TAF4B: variants seen among roughly 807,000 people sequenced by gnomAD.
TAF4B encodes the protein transcription initiation factor TFIID subunit 4B.
A neutral mutation model predicts 86.4 loss-of-function variants in TAF4B; 38 were observed. The observed-to-expected ratio is 0.44, with a 90% CI of 0.34 to 0.58. The LOEUF (loss-of-function observed/expected upper bound fraction) is 0.58, where lower values mean the gene tolerates loss of function less well. Ranked by LOEUF, TAF4B falls within the 20% of genes least tolerant of loss-of-function variation. The pLI, the probability that TAF4B is intolerant of heterozygous loss-of-function variation, is 0.02. For synonymous variants in TAF4B, 388 were observed against 391.2 expected, an observed-to-expected ratio of 0.99 and a Z score of 0.10; for missense variants, 988 against 1,027.6, an observed-to-expected ratio of 0.96 and a Z score of 0.53.
At position 26,278,170 on chromosome 18, in the gene TAF4B, A is replaced by G. The variant is rs2056404833; in HGVS notation, c.882+3117A>G. 2.0e-5 allele frequency among the ~76,000 whole-genome samples: 3 copies of G among 152,224 alleles called. No individual in the cohort carries two copies. The South Asian group carries it at 6.2e-4, about 31-fold the overall frequency. ...GATCCTCTGACTTTGATCTGCAACAAAAATGCTCCATGTATGTTTCCTATT... is the reference window on the plus strand; with the variant it reads ...GATCCTCTGACTTTGATCTGCAACAGAAATGCTCCATGTATGTTTCCTATT... On this transcript the variant is annotated intron_variant, in intron 5 of 14. Transcript: ENST00000269142.
chr18:26,280,189 T>C (rs1310795068), intron 5 of TAF4B, among the ~76,000 whole-genome samples: 1 of 152,190 alleles, frequency 6.6e-6, no homozygotes, highest in Non-Finnish European at 1.5e-5. Context: ...GATTTAAATG[T>C]AAGACCTCAA....
intron 14 of TAF4B, among the ~76,000 whole-genome samples, chr18:26,364,283 G>T (rs570573981): frequency 2.0e-5 from 3 of 152,122 alleles, no homozygotes; most frequent in South Asian, 2.1e-4. Flanking sequence ...CTAGTGGGTC[G>T]CAGGAGGGTG....
chr18:26,385,685 T>TTG lies in TAF4B; in HGVS notation c.2422-4159_2422-4158insGT, dbSNP rs202231722. 5.7e-3 allele frequency among the ~76,000 whole-genome samples: 820 copies of TTG among 143,410 alleles called. 27 individuals are homozygous for TTG. Among genetic ancestry groups the TTG allele is most frequent in the Admixed American group, 0.05 (713 of 14,278 alleles). 94.1% of individuals were successfully genotyped at this position (143,410 alleles called of 152,430 possible). On this transcript the variant is annotated intron_variant, in intron 14 of 14. Coordinates refer to ENST00000269142, the MANE Select transcript of TAF4B (RefSeq NM_005640.3). ...AGTGAGAAGAATAAACAGCGTTTTT[T>TTG]TTTTTTTTTCTTCTTCTTCTTCTTC... is the stretch of plus-strand genomic sequence containing the variant.
intron 9 of TAF4B, among the ~76,000 whole-genome samples, chr18:26,299,861 G>A (rs1442329888): frequency 3.3e-5 from 5 of 152,124 alleles, no homozygotes; most frequent in Non-Finnish European, 5.9e-5. Context: ...TTTAATGGTA[G>A]TATAGTATAT....
intron 1 of TAF4B, among the ~76,000 whole-genome samples, chr18:26,241,929 A>G (rs1441079075): frequency 6.6e-6 from 1 of 152,140 alleles, no homozygotes; most frequent in Non-Finnish European, 1.5e-5. Flanking sequence ...TTCTAGTTTG[A>G]TTGCCCTGTG....
intron 12 of TAF4B, among the ~76,000 whole-genome samples, chr18:26,332,388 G>A (rs1412964480): frequency 1.3e-5 from 2 of 152,086 alleles, no homozygotes; most frequent in East Asian, 1.9e-4. Flanking sequence ...ATTGCTCTGC[G>A]TGCCTTTCCG....
chr18:26,346,837 G>A (rs1210556530), intron 13 of TAF4B, among the ~76,000 whole-genome samples: 281 of 6,680 alleles, frequency 0.042, 36 homozygotes, highest in African/African-American at 0.073. Context: ...ATATATATAT[G>A]TGTGTGTGTA....
chr18:26,389,971 A>G lies in TAF4B; in HGVS notation c.2548A>G (p.Met850Val), dbSNP rs1464350345. Residue 850 changes from methionine to valine, a missense_variant, in exon 15 of 15, where the codon ATG (methionine) becomes GTG (valine). Around this residue, in one of 3 missense-constraint regions of TAF4B, gnomAD observed 216 missense variants for 238.4 expected, o/e 0.91. Coordinates refer to ENST00000269142, the MANE Select transcript of TAF4B (RefSeq NM_005640.3). ...LIFCMEQEREMKYSRALYLAL... is the reference protein window; with the variant it reads ...LIFCMEQEREVKYSRALYLAL... ...ATTTTGTATGGAACAGGAACGGGAG[A>G]TGAAGTATTCTCGAGCTCTATACCT... 1 of 1,614,146 alleles carries G rather than the reference A, an allele frequency of 6.2e-7. No individual in the cohort carries two copies. Among genetic ancestry groups the G allele is most frequent in the Admixed American group, 1.7e-5 (1 of 60,026 alleles).
chr18:26,279,869 C>G (rs1264829789), intron 5 of TAF4B, among the ~76,000 whole-genome samples: 1 of 152,056 alleles, frequency 6.6e-6, no homozygotes, highest in African/African-American at 2.4e-5. Context: ...TGGCGAAACC[C>G]CATCTCTACT....
intron 7 of TAF4B, among the ~76,000 whole-genome samples, chr18:26,287,244 TC>T (rs2056535424): frequency 6.6e-6 from 1 of 152,180 alleles, no homozygotes; most frequent in Non-Finnish European, 1.5e-5. Flanking sequence ...CCTCAACTGT[TC>T]CTCTCGACTT....
chr18:26,351,871 T>C (rs2057248607), intron 13 of TAF4B, among the ~76,000 whole-genome samples: 1 of 152,130 alleles, frequency 6.6e-6, no homozygotes, highest in Non-Finnish European at 1.5e-5. Context: ...ATGTGTAATA[T>C]ATAAGACAAC....
Position 26,357,828 on chromosome 18 carries a change from T to C in TAF4B, c.2421+34T>C, listed in dbSNP as rs753416878. On this transcript the variant is annotated intron_variant, in intron 14 of 14. Coordinates refer to ENST00000269142, the MANE Select transcript of TAF4B (RefSeq NM_005640.3). ...ATAATATTCATTATTTTATTTTTAA[T>C]GTCAAGAAAGCAAGCCAAAAAGAAG... is the stretch of plus-strand genomic sequence containing the variant. 3.3e-6 allele frequency: 5 copies of C among 1,521,682 alleles called. No individual in the cohort carries two copies. The East Asian group carries it at 9.3e-5, about 28-fold the overall frequency. 94.3% of individuals were successfully genotyped at this position (1,521,682 alleles called of 1,614,324 possible).
intron 1 of TAF4B, among the ~76,000 whole-genome samples, chr18:26,248,925 G>A (rs1199601587): frequency 3.3e-5 from 5 of 151,616 alleles, no homozygotes; most frequent in Admixed American, 2.6e-4. Context: ...TGTAATCCCA[G>A]CACTTTGGGA....
Position 26,255,855 on chromosome 18 carries a change from C to G in TAF4B, c.344-9315C>G, listed in dbSNP as rs1411364684. ...GATGATCCCACAACATGTCTTCTGT[C>G]TTTTCTAGTATGTGAGATCTAAAAA... is the stretch of plus-strand genomic sequence containing the variant. On this transcript the variant is annotated intron_variant, in intron 1 of 14. Transcript: ENST00000269142. The G allele has an allele frequency of 4.5e-6, 6 of 1,337,026 alleles. No individual in the cohort carries two copies. In the African/African-American group the frequency reaches 8.7e-5, roughly 19 times the overall value. The allele number at this position is 1,337,026 out of a possible 1,614,324, so 82.8% of individuals were successfully genotyped here.
In TAF4B at chr18:26,227,129, G is replaced by T. The variant is rs1382582442; in HGVS notation, c.196G>T (p.Val66Leu). 7 of 1,613,606 alleles carry T rather than the reference G, an allele frequency of 4.3e-6. No homozygotes were observed. The highest frequency in any genetic ancestry group is 1.7e-5 in the Admixed American group (1 of 59,992). ...PTASQPLRSP[V>L]GTLVTKVAPV... ...GGCGTCCCAGCCCCTGCGGTCCCCC[G>T]TGGGGACCCTGGTGACCAAAGTGGC... Residue 66 changes from valine to leucine, a missense_variant, in exon 1 of 15, where the codon GTG becomes TTG. Physicochemically the swap from Val to Leu is conservative, Grantham distance 32 (BLOSUM62 1). Transcript: ENST00000269142.
At chr18:26,369,108 C>G (rs1283529201) in intron 14 of TAF4B, among the ~76,000 whole-genome samples, 2 of 151,840 alleles carry the variant, frequency 1.3e-5, no homozygotes, top group East Asian at 3.9e-4. Flanking sequence ...AGGTGCATTA[C>G]TTTTAAATAA....
chr18:26,334,815 T>G (rs1019815582), intron 12 of TAF4B, among the ~76,000 whole-genome samples: 1 of 152,256 alleles, frequency 6.6e-6, no homozygotes, highest in Non-Finnish European at 1.5e-5. Context: ...CAGTATTGAT[T>G]GTTTTTATTC....
intron 6 of TAF4B, among the ~76,000 whole-genome samples, chr18:26,284,357 T>C (rs2144589982): frequency 6.6e-6 from 1 of 152,340 alleles, no homozygotes; most frequent in Admixed American, 6.5e-5. Context: ...ATAAGACTGT[T>C]TCGTTTTCTT....
At chr18:26,333,067 T>G (rs1347721964) in intron 12 of TAF4B, among the ~76,000 whole-genome samples, 1 of 151,942 alleles carries the variant, frequency 6.6e-6, no homozygotes. Flanking sequence ...TGTTTAGATA[T>G]CTACTCAAAT....
Sources: gnomAD v4.1 joint callset for allele counts (sites outside exome capture counted in the v4.1 genomes callset) on GRCh38, gnomAD v4.1.1 for gene constraint, gnomAD v4.1.1 regional missense constraint, MANE v1.5 for transcripts, NCBI Gene and HGNC (gene_info 2026-07-23, HGNC 2026-07-21) for gene names.